TMC6: variants seen among roughly 807,000 people sequenced by gnomAD.
TMC6 encodes transmembrane channel-like protein 6.
A neutral mutation model predicts 95.4 loss-of-function variants in TMC6; 71 were observed. That is an observed-to-expected ratio of 0.74 (90% CI 0.61 to 0.91). The LOEUF (loss-of-function observed/expected upper bound fraction) is 0.91. TMC6 is among the 40% of genes least tolerant of loss of function. The pLI is 0.00. For synonymous variants in TMC6, 514 were observed against 483.1 expected, an observed-to-expected ratio of 1.06 and a Z score of -0.84; for missense variants, 1,074 against 1,079.1, an observed-to-expected ratio of 1.00 and a Z score of 0.07.
chr17:78,117,319 C>T lies in TMC6; in HGVS notation c.2227G>A (p.Val743Met). The change falls in exon 18 of 20, where the codon GTG becomes ATG. Residue 743 changes from valine to methionine, a missense_variant. Transcript: ENST00000590602. ...LAVIYLNIQVVRGQRKVICLL... is the reference protein window; with the variant it reads ...LAVIYLNIQVMRGQRKVICLL... ...CAGATGACCTTGCGCTGGCCCCGCACCACCTGGATGTTGAGGTAGATCACG... is the reference window on the plus strand; with the variant it reads ...CAGATGACCTTGCGCTGGCCCCGCATCACCTGGATGTTGAGGTAGATCACG... 1 of 1,613,500 alleles carries T rather than the reference C, an allele frequency of 6.2e-7. No individual in the cohort carries two copies.
In TMC6 at chr17:78,124,089, A is replaced by T. The variant is rs1446169271; in HGVS notation, c.982T>A (p.Cys328Ser). 1 of 1,613,240 alleles carries T rather than the reference A, an allele frequency of 6.2e-7. No homozygotes were observed. The change falls in exon 9 of 20, where the codon TGC becomes AGC. Residue 328 changes from cysteine to serine, a missense_variant. By Grantham distance (112) the Cys-to-Ser change is moderately radical. Transcript: ENST00000590602. ...GGCAGGCCACCCACCCTGGGTGTGCACTGGCTGCCATCCAGGGGGCTGCCA... is the reference window on the plus strand; with the variant it reads ...GGCAGGCCACCCACCCTGGGTGTGCTCTGGCTGCCATCCAGGGGGCTGCCA... ...PCGSPLDGSQ[C>S]TPRVGGLPYN...
rs545589375 is a variant in TMC6, at chr17:78,128,274, G to A, written c.-75+338C>T. ...GAGCCCAGAGCGGCTGCAACTCTGG[G>A]GCCACCGAACCCGTCCAGCCGGCCT... On this transcript the variant is annotated intron_variant, in intron 1 of 19. Coordinates refer to ENST00000590602, the MANE Select transcript of TMC6 (RefSeq NM_001127198.5). The surrounding 1 kb of genome is among the most constrained non-coding windows in gnomAD (Gnocchi z 4.0). Among the ~76,000 whole-genome samples, 8 of 152,072 alleles carry A rather than the reference G, an allele frequency of 5.3e-5. No individual in the cohort carries two copies. The East Asian group carries it at 1.4e-3, about 26-fold the overall frequency.
Position 78,121,237 on chromosome 17 carries a change from C to G in TMC6, c.1384-73G>C. On this transcript the variant is annotated intron_variant, in intron 11 of 19. Transcript: ENST00000590602. This position sits in a 1 kb window ranked among gnomAD's most constrained non-coding sequence, Gnocchi z 5.6. ...GGGAGCGGGCAGCTACAGGGAAGGG[C>G]CCGGGGTGGAACTGGCAGGTAGCAC... The G allele has an allele frequency of 6.5e-7, 1 of 1,539,756 alleles. No homozygotes were observed. The highest frequency in any genetic ancestry group is 8.7e-7 in the Non-Finnish European group (1 of 1,146,178).
At chr17:78,126,157 C>A (rs1047936655) in intron 4 of TMC6, 120 bp downstream of exon 4, 2 of 1,399,300 alleles carry the variant, frequency 1.4e-6, no homozygotes, top group Non-Finnish European at 1.9e-6. Context: ...CTGGGCCTGG[C>A]TCTGAGCTAC....
At chr17:78,113,282 C>G (rs2073883907) in intron 19 of TMC6, 71 bp from the exon 20 acceptor site, 16 of 1,499,902 alleles carry the variant, frequency 1.1e-5, no homozygotes, top group Non-Finnish European at 1.4e-5. Context: ...TGGGCGCAGC[C>G]AAGGCCCGGC....
At chr17:78,119,782 A>G in intron 13 of TMC6, 2 of 393,474 alleles carry the variant, frequency 5.1e-6, no homozygotes, top group South Asian at 2.0e-5. Context: ...CTACAGGCAC[A>G]CACCACCAGG....
In TMC6 at chr17:78,124,530, T is replaced by A; in HGVS notation, c.885A>T (p.Thr295=). Reference sequence around the variant, plus strand: ...AGTCCTAGGGCTTCCTCACCGCGCCTGTGAGGAGCTCCAGGCCTGTGCAGA... The same window carrying A: ...AGTCCTAGGGCTTCCTCACCGCGCCAGTGAGGAGCTCCAGGCCTGTGCAGA... ...APVCTGLELL[T]GAGCFTHTVM... Residue 295 remains threonine, a synonymous_variant, in exon 8 of 20, where the codon ACA becomes ACT. Coordinates refer to ENST00000590602, the MANE Select transcript of TMC6 (RefSeq NM_001127198.5). 1 of 1,610,712 alleles carries A rather than the reference T, an allele frequency of 6.2e-7. No homozygotes were observed. Among genetic ancestry groups the A allele is most frequent in the Non-Finnish European group, 8.5e-7 (1 of 1,179,762 alleles).
At chr17:78,123,696 T>TG (rs950028346) in intron 9 of TMC6, among the ~76,000 whole-genome samples, 2 of 114,164 alleles carry the variant, frequency 1.8e-5, no homozygotes, top group African/African-American at 3.5e-5. Context: ...AGTGGGTGGA[T>TG]GGGGGGGTGA....
In TMC6 at chr17:78,122,096, G is replaced by A. The variant is rs979383106; in HGVS notation, c.1228-385C>T. Among the ~76,000 whole-genome samples the A allele has an allele frequency of 1.2e-4, 19 of 152,116 alleles. No homozygotes were observed. Among genetic ancestry groups the A allele is most frequent in the Non-Finnish European group, 2.5e-4 (17 of 68,018 alleles). The stretch of plus-strand genomic sequence containing the variant: ...CCCTACACGGAATGGCTCATGACAG[G>A]TCACAGCTCTGAGCTCCTTGAAGCA... On this transcript the variant is annotated intron_variant, in intron 10 of 19. Transcript: ENST00000590602. This position sits in a 1 kb window ranked among gnomAD's most constrained non-coding sequence, Gnocchi z 4.9.
chr17:78,109,735 A>C lies in TMC6; in HGVS notation c.*3413T>G, dbSNP rs2073787778. 8.5e-6 allele frequency: 3 copies of C among 354,014 alleles called. No individual in the cohort carries two copies. The highest frequency in any genetic ancestry group is 1.7e-5 in the Non-Finnish European group (3 of 177,296). 21.9% of individuals were successfully genotyped at this position (354,014 alleles called of 1,614,324 possible). A position where few individuals can be genotyped will look rare whatever the true frequency, so the allele number is the denominator to read the frequency against. On this transcript the variant is annotated 3_prime_UTR_variant, in exon 20 of 20. Transcript: ENST00000590602. ...GGATGGGCCCAGAGCAGGGGTTCTC[A>C]ACCTTGGCCCATTAGAATTACCTGA...
rs2074870689 is a variant in TMC6, at chr17:78,128,731, G to GA, written c.-195_-194insT. The GA allele has an allele frequency of 6.6e-6, 1 of 150,810 alleles. No homozygotes were observed. Among genetic ancestry groups the GA allele is most frequent in the South Asian group, 2.1e-4 (1 of 4,756 alleles). 9.3% of individuals were successfully genotyped at this position (150,810 alleles called of 1,614,324 possible). On this transcript the variant is annotated 5_prime_UTR_variant, in exon 1 of 20. Transcript: ENST00000590602. The surrounding 1 kb of genome is among the most constrained non-coding windows in gnomAD (Gnocchi z 4.0). ...CCAAGGGAGTGGCAAAGGGCCCCAG[G>GA]GGCGACTGGGCCAGTCGCAGGTCTG...
chr17:78,123,167 A>C, intron 9 of TMC6: 3 of 330,254 alleles, frequency 9.1e-6, no homozygotes, highest in East Asian at 8.2e-5. Context: ...AAGCAGCCTG[A>C]CTCCTTCCCC....
At chr17:78,119,152 G>A (rs2074282181) in intron 14 of TMC6, 106 bp from the exon 15 acceptor site, 1 of 1,489,818 alleles carries the variant, frequency 6.7e-7, no homozygotes, top group African/African-American at 1.4e-5. Context: ...CCAAAACTGA[G>A]TCCCCGGGGT....
At chr17:78,115,490 CA>C (rs1443988056) in intron 18 of TMC6, among the ~76,000 whole-genome samples, 2 of 152,298 alleles carry the variant, frequency 1.3e-5, no homozygotes, top group South Asian at 2.1e-4. Context: ...GGACCTGCTT[CA>C]CGGGGGGCCG....
intron 18 of TMC6, among the ~76,000 whole-genome samples, chr17:78,114,306 T>C (rs1224498629): frequency 6.6e-6 from 1 of 152,036 alleles, no homozygotes; most frequent in Non-Finnish European, 1.5e-5. Flanking sequence ...GTTTTTCACC[T>C]CTAAGGACCC....
chr17:78,130,133 ATC>A (rs1329850007), upstream of TMC6, among the ~76,000 whole-genome samples: 2 of 152,172 alleles, frequency 1.3e-5, no homozygotes, highest in African/African-American at 2.4e-5. Flanking sequence ...TGTCTTAAAC[ATC>A]TAGCCTGGGA....
upstream of TMC6, chr17:78,131,419 A>C: frequency 1.1e-6 from 1 of 890,962 alleles, no homozygotes; most frequent in Admixed American, 2.3e-5. Flanking sequence ...AGTGAACCCT[A>C]GGGCTGCAGG....
chr17:78,113,478 C>T, intron 19 of TMC6, 70 bp downstream of exon 19: 6 of 1,553,700 alleles, frequency 3.9e-6, no homozygotes, highest in Non-Finnish European at 5.3e-6. Context: ...CAGTGGCAGC[C>T]CTACTGTCCA....
chr17:78,126,145 C>A (rs1425567972), intron 4 of TMC6, 132 bp downstream of exon 4: 1 of 1,334,666 alleles, frequency 7.5e-7, no homozygotes, highest in Non-Finnish European at 1.0e-6. Context: ...TAGGAGCCCG[C>A]CCTGGGCCTG....
Sources: gnomAD v4.1 joint callset for allele counts (sites outside exome capture counted in the v4.1 genomes callset) on GRCh38, gnomAD v4.1.1 for gene constraint, Gnocchi (gnomAD v3.1) non-coding constraint, MANE v1.5 for transcripts, NCBI Gene and HGNC (gene_info 2026-07-23, HGNC 2026-07-21) for gene names.